RBFOX1: variants seen among roughly 807,000 people sequenced by gnomAD.
RBFOX1 encodes the protein RNA binding protein fox-1 homolog 1.
In RBFOX1, 8 loss-of-function variants were observed where a neutral mutation model predicts 57.7. That is an observed-to-expected ratio of 0.14 (90% CI 0.08 to 0.25). The LOEUF (loss-of-function observed/expected upper bound fraction) is 0.25, where lower values mean the gene tolerates loss of function less well. Ranked by LOEUF, RBFOX1 falls within the 10% of genes least tolerant of loss-of-function variation. The pLI, the probability that RBFOX1 is intolerant of heterozygous loss-of-function variation, is 1.00. For missense variants in RBFOX1, 611 were observed against 548.5 expected, an observed-to-expected ratio of 1.11 and a Z score of -1.14; for synonymous variants, 326 against 222.4, an observed-to-expected ratio of 1.47 and a Z score of -4.15.
At chr16:5,520,076 T>G (rs1301761005) in intron 2 of RBFOX1, among the ~76,000 whole-genome samples, 1 of 152,190 alleles carries the variant, frequency 6.6e-6, no homozygotes, top group Non-Finnish European at 1.5e-5. Flanking sequence ...GTACAGGATG[T>G]GATGGAATCA....
chr16:7,028,122 G>C (rs919624785), intron 3 of RBFOX1, among the ~76,000 whole-genome samples: 1 of 152,116 alleles, frequency 6.6e-6, no homozygotes, highest in Admixed American at 6.5e-5. Context: ...CTGCCTAGAA[G>C]CCTGCAGAAA....
intron 1 of RBFOX1, among the ~76,000 whole-genome samples, chr16:6,028,047 C>T (rs913116078): frequency 5.9e-5 from 9 of 152,150 alleles, no homozygotes; most frequent in African/African-American, 2.2e-4. Context: ...CTGGCTAGAT[C>T]CCAGGGGTAT....
intron 4 of RBFOX1, among the ~76,000 whole-genome samples, chr16:7,382,371 T>C (rs2097794546): frequency 6.6e-6 from 1 of 152,246 alleles, no homozygotes; most frequent in African/African-American, 2.4e-5. Flanking sequence ...TTTAAGCTGC[T>C]CTGGAATGTA....
chr16:6,173,619 T>TTTC (rs1419265878), intron 1 of RBFOX1, among the ~76,000 whole-genome samples: 3 of 143,682 alleles, frequency 2.1e-5, no homozygotes, highest in Non-Finnish European at 4.5e-5. Context: ...TTTTTTTTTT[T>TTTC]TTTTTTTTGA....
At chr16:7,432,510 A>G (rs1234054042) in intron 4 of RBFOX1, among the ~76,000 whole-genome samples, 1 of 152,198 alleles carries the variant, frequency 6.6e-6, no homozygotes, top group Non-Finnish European at 1.5e-5. Context: ...TCTTAACAAC[A>G]GGTATGCACA....
chr16:6,889,465 G>A lies in RBFOX1; in HGVS notation c.-15-162592G>A, dbSNP rs936868800. The stretch of plus-strand genomic sequence containing the variant: ...GTGGAACAGATAACTTTGAGAAATG[G>A]GCTTTTAGCAAGTGGGAAAATAGGC... On this transcript the variant is annotated intron_variant, in intron 3 of 15. Transcript: ENST00000550418. Among the ~76,000 whole-genome samples the A allele has an allele frequency of 2.6e-5, 4 of 152,192 alleles. No homozygotes were observed. The East Asian group carries it at 5.8e-4, about 22-fold the overall frequency.
intron 4 of RBFOX1, among the ~76,000 whole-genome samples, chr16:7,505,836 T>C (rs2073087658): frequency 6.6e-6 from 1 of 152,140 alleles, no homozygotes; most frequent in Non-Finnish European, 1.5e-5. Flanking sequence ...ATCTTTGTTG[T>C]TTGTTGGATT....
chr16:7,535,009 G>A (rs577115313), intron 5 of RBFOX1, among the ~76,000 whole-genome samples: 1 of 152,302 alleles, frequency 6.6e-6, no homozygotes, highest in East Asian at 1.9e-4. Context: ...TAACTCCCAA[G>A]TCAGGCTAAG....
rs574096250 is a variant in RBFOX1 at position 7,267,641 on chromosome 16, G to A, written c.27+215543G>A. 6.6e-5 allele frequency among the ~76,000 whole-genome samples: 10 copies of A among 151,996 alleles called. No individual in the cohort carries two copies. In the South Asian group the frequency reaches 1.9e-3, roughly 28 times the overall value. ...AGGCTGAGGTGGGCGGATCACTTGA[G>A]GTCAGGAGTTCGAGACCAGCCTGGC... On this transcript the variant is annotated intron_variant, in intron 4 of 15. Transcript: ENST00000550418.
chr16:6,494,302 C>T (rs7201049), intron 2 of RBFOX1, among the ~76,000 whole-genome samples: 33,975 of 151,996 alleles, frequency 0.22, 4,485 homozygotes, highest in Non-Finnish European at 0.3. Context: ...CTGTATCCAC[C>T]GCCACAGGTA....
chr16:5,856,575 G>GTGCATATATATATATATATA (rs1192496608), intron 3 of RBFOX1, among the ~76,000 whole-genome samples: 36 of 32,922 alleles, frequency 1.1e-3, no homozygotes, highest in Non-Finnish European at 1.6e-3. Flanking sequence ...GTGTGTGTGT[G>GTGCATATATATATATATATA]TATATATATA....
intron 3 of RBFOX1, among the ~76,000 whole-genome samples, chr16:5,657,082 C>A (rs552945493): frequency 6.6e-6 from 1 of 152,084 alleles, no homozygotes; most frequent in Non-Finnish European, 1.5e-5. Context: ...ACATGTATCC[C>A]AGAACTTAAA....
At chr16:7,649,629 A>G (rs2064525212) in intron 11 of RBFOX1, among the ~76,000 whole-genome samples, 1 of 152,154 alleles carries the variant, frequency 6.6e-6, no homozygotes, top group Non-Finnish European at 1.5e-5. Flanking sequence ...GACAGTGAAG[A>G]GGTGGTGGCT....
chr16:6,181,803 C>T (rs1251598278), intron 1 of RBFOX1, among the ~76,000 whole-genome samples: 1 of 151,970 alleles, frequency 6.6e-6, no homozygotes, highest in Non-Finnish European at 1.5e-5. Context: ...TCAGTGATGC[C>T]GTATAATTAA....
At position 6,626,140 on chromosome 16, in the gene RBFOX1, T is replaced by G. The variant is rs79574598; in HGVS notation, c.-63-28463T>G. ...GCATCAAGGCCTAAAATTCTGCAGG[T>G]TTTTTTTTTTTTTTTTCCCAAATTG... On this transcript the variant is annotated intron_variant, in intron 2 of 15. Coordinates refer to ENST00000550418, the MANE Select transcript of RBFOX1 (RefSeq NM_018723.4). Among the ~76,000 whole-genome samples, 207 of 121,458 alleles carry G rather than the reference T, an allele frequency of 1.7e-3. 4 individuals carry two copies. The East Asian group carries it at 0.041, about 24-fold the overall frequency. 79.7% of individuals were successfully genotyped at this position (121,458 alleles called of 152,430 possible). A position where few individuals can be genotyped will look rare whatever the true frequency, so the allele number is the denominator to read the frequency against.
chr16:7,216,548 G>C (rs571481569), intron 4 of RBFOX1, among the ~76,000 whole-genome samples: 1 of 152,178 alleles, frequency 6.6e-6, no homozygotes, highest in African/African-American at 2.4e-5. Flanking sequence ...TATAATGATA[G>C]GAGTAAAGGG....
intron 14 of RBFOX1, among the ~76,000 whole-genome samples, chr16:7,684,370 A>T (rs1221838958): frequency 6.6e-6 from 1 of 152,116 alleles, no homozygotes; most frequent in African/African-American, 2.4e-5. Flanking sequence ...TGTGGGGCAA[A>T]AACTAGGGAG....
At chr16:5,783,772 G>C (rs961223818) in intron 3 of RBFOX1, among the ~76,000 whole-genome samples, 54 of 152,176 alleles carry the variant, frequency 3.5e-4, no homozygotes, top group African/African-American at 1.2e-3. Flanking sequence ...GTCACGAAGA[G>C]GCAGGATAGT....
At chr16:6,192,411 C>T (rs1471929526) in intron 1 of RBFOX1, among the ~76,000 whole-genome samples, 1 of 152,052 alleles carries the variant, frequency 6.6e-6, no homozygotes, top group Non-Finnish European at 1.5e-5. Context: ...TTTGTCTCTT[C>T]TTACTGTCTT....
Sources: gnomAD v4.1 joint callset for allele counts (sites outside exome capture counted in the v4.1 genomes callset) on GRCh38, gnomAD v4.1.1 for gene constraint, MANE v1.5 for transcripts, NCBI Gene and HGNC (gene_info 2026-07-23, HGNC 2026-07-21) for gene names.